Variants in IGF1R observed in about 807,000 individuals in gnomAD.
The protein encoded by IGF1R is insulin like growth factor 1 receptor.
Under a neutral mutation model 144.6 loss-of-function variants are expected in IGF1R, and 44 were observed. The ratio of observed to expected loss-of-function variants is 0.30; its 90% CI spans 0.24 to 0.39. The LOEUF (loss-of-function observed/expected upper bound fraction) is 0.39, where lower values mean the gene tolerates loss of function less well. Among genes scored for constraint, IGF1R ranks in the 10% least tolerant of loss-of-function variants. IGF1R has a pLI of 1.00. For missense variants in IGF1R, 1,355 were observed against 1,833.7 expected, an observed-to-expected ratio of 0.74 and a Z score of 4.77; for synonymous variants, 795 against 722.8, an observed-to-expected ratio of 1.10 and a Z score of -1.60.
At chr15:98,919,512 C>T (rs2015398905) in intron 10 of IGF1R, among the ~76,000 whole-genome samples, 1 of 152,168 alleles carries the variant, frequency 6.6e-6, no homozygotes, top group Non-Finnish European at 1.5e-5. Flanking sequence ...AGATGTGGAG[C>T]ACAAGGTGAA....
rs1399925424 is a variant in IGF1R, at chr15:98,648,712, C to G, written c.-870C>G. On this transcript the variant is annotated 5_prime_UTR_variant, in exon 1 of 21. Transcript: ENST00000650285. ...CGCCGCCAGCGAGCCTGCCCACGGC[C>G]GGCGCTCGCAGACCCTCGGCCCCGC... 6.8e-6 allele frequency among the ~76,000 whole-genome samples: 1 copy of G among 147,366 alleles called. No individual in the cohort carries two copies. The highest frequency in any genetic ancestry group is 1.5e-5 in the Non-Finnish European group (1 of 66,166).
chr15:98,910,018 G>A lies in IGF1R; in HGVS notation c.1462+1119G>A, dbSNP rs559986751. 3.9e-5 allele frequency among the ~76,000 whole-genome samples: 6 copies of A among 152,218 alleles called. No homozygotes were observed. In the East Asian group the frequency reaches 5.8e-4, roughly 15 times the overall value. On this transcript the variant is annotated intron_variant, in intron 6 of 20. Transcript: ENST00000650285. The stretch of plus-strand genomic sequence containing the variant: ...TTGTATGATGAAGGGTGATTTGTGC[G>A]TGTGTGCAGACAGACACACATGCAG...
intron 2 of IGF1R, among the ~76,000 whole-genome samples, chr15:98,742,142 G>C (rs1451493720): frequency 6.6e-6 from 1 of 152,192 alleles, no homozygotes; most frequent in Non-Finnish European, 1.5e-5. Flanking sequence ...CTGACATTCA[G>C]CTGGGTTGGG....
At chr15:98,718,438 G>A (rs528426296) in intron 2 of IGF1R, among the ~76,000 whole-genome samples, 1 of 152,342 alleles carries the variant, frequency 6.6e-6, no homozygotes, top group South Asian at 2.1e-4. Context: ...GATGAAGTTA[G>A]TGAGGTTGCC....
In IGF1R at chr15:98,911,410, C is replaced by G; in HGVS notation, c.1558C>G (p.Leu520Val). The G allele has an allele frequency of 6.2e-7, 1 of 1,614,220 alleles. No homozygotes were observed. The highest frequency in any genetic ancestry group is 8.5e-7 in the Non-Finnish European group (1 of 1,180,032). ...GTACCGGCCCCCTGACTACAGGGATCTCATCAGCTTCACCGTTTACTACAA... is the reference window on the plus strand; with the variant it reads ...GTACCGGCCCCCTGACTACAGGGATGTCATCAGCTTCACCGTTTACTACAA... The part of the protein sequence containing the change: ...HRYRPPDYRD[L>V]ISFTVYYKEA... The change falls in exon 7 of 21, where the codon CTC (leucine) becomes GTC (valine). Residue 520 changes from leucine (L) to valine (V), a missense_variant. Leu to Val is a conservative substitution (Grantham distance 32). Transcript: ENST00000650285.
intron 1 of IGF1R, among the ~76,000 whole-genome samples, chr15:98,657,724 T>A (rs373732424): frequency 1.2e-4 from 18 of 152,360 alleles, no homozygotes; most frequent in African/African-American, 4.3e-4. Flanking sequence ...CGTCAGGTGA[T>A]ACAATTGGGA....
chr15:98,719,756 G>A (rs902746051), intron 2 of IGF1R, among the ~76,000 whole-genome samples: 3 of 152,132 alleles, frequency 2.0e-5, no homozygotes, highest in Admixed American at 6.5e-5. Flanking sequence ...CCTGAACTTC[G>A]TGTTCAGTGC....
chr15:98,937,855 A>G (rs145012619), intron 17 of IGF1R, among the ~76,000 whole-genome samples: 1 of 152,216 alleles, frequency 6.6e-6, no homozygotes, highest in Non-Finnish European at 1.5e-5. Context: ...TTTACATTTC[A>G]TGTGCATATT....
chr15:98,672,305 C>T (rs2052913427), intron 1 of IGF1R, among the ~76,000 whole-genome samples: 1 of 152,188 alleles, frequency 6.6e-6, no homozygotes. Context: ...TGGCTCACGC[C>T]TGTAATCCCA....
intron 2 of IGF1R, among the ~76,000 whole-genome samples, chr15:98,867,003 G>C (rs1421941763): frequency 6.6e-6 from 1 of 152,180 alleles, no homozygotes; most frequent in Non-Finnish European, 1.5e-5. Context: ...CCTGAGCAGT[G>C]AAGCTGTTCT....
intron 1 of IGF1R, among the ~76,000 whole-genome samples, chr15:98,662,455 G>A (rs574080080): frequency 9.0e-4 from 136 of 150,536 alleles, no homozygotes; most frequent in African/African-American, 3.1e-3. Context: ...CTGTGGAAGG[G>A]GAGTGGGAGT....
chr15:98,889,128 T>C (rs1367885957), intron 2 of IGF1R, among the ~76,000 whole-genome samples: 1 of 152,222 alleles, frequency 6.6e-6, no homozygotes, highest in Admixed American at 6.5e-5. Flanking sequence ...TGTAACTGGA[T>C]GGCCATATTA....
intron 2 of IGF1R, among the ~76,000 whole-genome samples, chr15:98,859,008 C>T (rs1056111880): frequency 6.6e-6 from 1 of 151,580 alleles, no homozygotes; most frequent in Non-Finnish European, 1.5e-5. Flanking sequence ...TTATTCTGCT[C>T]ATTAGGAAGC....
chr15:98,764,108 C>T (rs2055374650), intron 2 of IGF1R, among the ~76,000 whole-genome samples: 1 of 152,234 alleles, frequency 6.6e-6, no homozygotes. Context: ...ATTTAGTTTG[C>T]ATATTTAACA....
At chr15:98,708,199 G>A (rs1213690216) in intron 2 of IGF1R, 92 bp downstream of exon 2, 13 of 1,108,134 alleles carry the variant, frequency 1.2e-5, no homozygotes, top group South Asian at 7.6e-5. Context: ...CACGAGTTCC[G>A]CTGGGCAGGG....
chr15:98,665,835 C>T (rs1309594546), intron 1 of IGF1R, among the ~76,000 whole-genome samples: 1 of 152,218 alleles, frequency 6.6e-6, no homozygotes, highest in Non-Finnish European at 1.5e-5. Context: ...TGCTCTCTTG[C>T]TCTGCTCCCT....
At chr15:98,939,038 G>C (rs28631431) in intron 17 of IGF1R, among the ~76,000 whole-genome samples, 163 bp from the exon 18 acceptor site, 9,375 of 152,218 alleles carry the variant, frequency 0.062, 508 homozygotes, top group African/African-American at 0.15. Context: ...CAGGTGCCAT[G>C]CTCTCCATGA....
At chr15:98,687,034 G>A (rs1319859) in intron 1 of IGF1R, among the ~76,000 whole-genome samples, 84,697 of 152,028 alleles carry the variant, frequency 0.56, 26,477 homozygotes, top group East Asian at 0.69. Context: ...GAGGGAGCAT[G>A]TGAAAAAACC....
At chr15:98,937,925 T>C (rs1024268809) in intron 17 of IGF1R, among the ~76,000 whole-genome samples, 2 of 152,244 alleles carry the variant, frequency 1.3e-5, no homozygotes, top group Non-Finnish European at 2.9e-5. Context: ...TTACCCCCAG[T>C]GACTTAATGT....
Sources: gnomAD v4.1 joint callset for allele counts (sites outside exome capture counted in the v4.1 genomes callset) on GRCh38, gnomAD v4.1.1 for gene constraint, MANE v1.5 for transcripts, NCBI Gene and HGNC (gene_info 2026-07-23, HGNC 2026-07-21) for gene names.